The following GPR158 variants were observed in gnomAD, a reference collection of about 807,000 sequenced individuals.
GPR158 encodes the protein metabotropic glycine receptor.
Under a neutral mutation model 78.2 loss-of-function variants are expected in GPR158, and 30 were observed. The observed-to-expected ratio is 0.38, with a 90% CI of 0.29 to 0.52. GPR158 has a LOEUF of 0.52. Among genes scored for constraint, GPR158 ranks in the 20% least tolerant of loss-of-function variants. The pLI, the probability that GPR158 is intolerant of heterozygous loss-of-function variation, is 0.83. For synonymous variants in GPR158, 581 were observed against 591.1 expected, an observed-to-expected ratio of 0.98 and a Z score of 0.25; for missense variants, 1,463 against 1,523.5, an observed-to-expected ratio of 0.96 and a Z score of 0.66.
At chr10:25,363,937 C>G (rs539310924) in intron 2 of GPR158, among the ~76,000 whole-genome samples, 5 of 150,298 alleles carry the variant, frequency 3.3e-5, no homozygotes, top group African/African-American at 1.0e-4. Flanking sequence ...CTTGTCTTCT[C>G]TTCTACAAAA....
intron 2 of GPR158, among the ~76,000 whole-genome samples, chr10:25,243,902 C>T (rs186300007): frequency 7.2e-4 from 110 of 152,076 alleles, no homozygotes; most frequent in Non-Finnish European, 9.0e-4. Flanking sequence ...GGCTTATATA[C>T]AGAAGACATA....
At chr10:25,192,668 A>T (rs1200703695) in intron 1 of GPR158, among the ~76,000 whole-genome samples, 1 of 152,188 alleles carries the variant, frequency 6.6e-6, no homozygotes, top group Non-Finnish European at 1.5e-5. Flanking sequence ...AACTTTTTTT[A>T]AAAGTTATAA....
intron 5 of GPR158, among the ~76,000 whole-genome samples, chr10:25,468,064 C>T (rs190050821): frequency 9.9e-4 from 151 of 152,250 alleles, no homozygotes; most frequent in Non-Finnish European, 1.9e-3. Context: ...ACTTATTGCA[C>T]CTGCGTATCT....
At chr10:25,579,151 A>ATT (rs967956470) in intron 7 of GPR158, among the ~76,000 whole-genome samples, 28 of 146,384 alleles carry the variant, frequency 1.9e-4, no homozygotes, top group Non-Finnish European at 3.0e-4. Context: ...CGACTGTCAG[A>ATT]TTTTTTTTTT....
At chr10:25,250,891 C>T (rs765107079) in intron 2 of GPR158, among the ~76,000 whole-genome samples, 2 of 151,644 alleles carry the variant, frequency 1.3e-5, no homozygotes, top group Non-Finnish European at 2.9e-5. Context: ...TCTCGTTGAT[C>T]TGTCTAATGT....
intron 1 of GPR158, among the ~76,000 whole-genome samples, chr10:25,182,350 GAA>G (rs1432545240): frequency 1.3e-5 from 2 of 152,176 alleles, no homozygotes; most frequent in African/African-American, 4.8e-5. Flanking sequence ...TCTCTCGAGA[GAA>G]TACATGTTTC....
intron 2 of GPR158, among the ~76,000 whole-genome samples, chr10:25,379,080 T>G (rs553950940): frequency 6.6e-6 from 1 of 152,230 alleles, no homozygotes; most frequent in Admixed American, 6.5e-5. Flanking sequence ...CATGAGCCAC[T>G]GTGCCCAACC....
chr10:25,188,959 A>AAAAAGT (rs1852730005), intron 1 of GPR158, among the ~76,000 whole-genome samples: 1 of 152,206 alleles, frequency 6.6e-6, no homozygotes, highest in South Asian at 2.1e-4. Flanking sequence ...CAACCCCACC[A>AAAAAGT]AAAAGTGGGC....
At position 25,589,212 on chromosome 10, in the gene GPR158, A is replaced by G. The variant is rs1588926009; in HGVS notation, c.1892+67A>G. ...CTGATGTGTTGCTGTTTAAATAACA[A>G]AATTAGATAAGATGCATAATAGAAA... On this transcript the variant is annotated intron_variant, in intron 8 of 10. Coordinates refer to ENST00000376351, the MANE Select transcript of GPR158 (RefSeq NM_020752.3). The G allele has an allele frequency of 3.6e-6, 4 of 1,123,388 alleles. No individual in the cohort carries two copies. The East Asian group carries it at 9.8e-5, about 27-fold the overall frequency. The allele number at this position is 1,123,388 out of a possible 1,614,324, so 69.6% of individuals were successfully genotyped here.
rs192049981 is a variant in GPR158, at chr10:25,411,993, C to T, written c.1112-257C>T. Among the ~76,000 whole-genome samples the T allele has an allele frequency of 9.8e-5, 14 of 142,850 alleles. No homozygotes were observed. In the East Asian group the frequency reaches 2.6e-3, roughly 27 times the overall value. The allele number at this position is 142,850 out of a possible 152,430, so 93.7% of individuals were successfully genotyped here. ...AAAGACTTAGAAAACTGTTCCCTGC[C>T]CTCATGAAGCTTTATTTCCATTTTT... On this transcript the variant is annotated intron_variant, in intron 3 of 10. Coordinates refer to ENST00000376351, the MANE Select transcript of GPR158 (RefSeq NM_020752.3).
At chr10:25,351,692 G>C (rs1855474027) in intron 2 of GPR158, among the ~76,000 whole-genome samples, 1 of 149,510 alleles carries the variant, frequency 6.7e-6, no homozygotes, top group Non-Finnish European at 1.5e-5. Context: ...TGCTGCCATA[G>C]CAATAGTGTT....
chr10:25,457,034 A>G (rs1454864604), intron 4 of GPR158, among the ~76,000 whole-genome samples: 3 of 151,456 alleles, frequency 2.0e-5, no homozygotes, highest in African/African-American at 7.3e-5. Flanking sequence ...GTGCAGTGGC[A>G]TGACCTCAGC....
At chr10:25,201,886 T>C (rs562435982) in intron 1 of GPR158, among the ~76,000 whole-genome samples, 2 of 152,228 alleles carry the variant, frequency 1.3e-5, no homozygotes, top group Admixed American at 6.5e-5. Context: ...TAGTATTTTG[T>C]TGAGGATTGT....
rs113599813 is a variant in GPR158, at chr10:25,253,280, C to T, written c.1008+32123C>T. ...TGCAGAAATCACCGGTCTTCTGCGT[C>T]GGTCACGCTGGGAGCTGTAGACCGG... On this transcript the variant is annotated intron_variant, in intron 2 of 10. Transcript: ENST00000376351. Among the ~76,000 whole-genome samples, 948 of 151,032 alleles carry T rather than the reference C, an allele frequency of 6.3e-3. 6 individuals are homozygous for T. Among genetic ancestry groups the T allele is most frequent in the African/African-American group, 0.021 (884 of 41,302 alleles).
chr10:25,204,684 T>C (rs965731561), intron 1 of GPR158, among the ~76,000 whole-genome samples: 4 of 152,218 alleles, frequency 2.6e-5, no homozygotes, highest in Non-Finnish European at 5.9e-5. Context: ...TTTGCATCGA[T>C]GTTCTTCAGG....
intron 3 of GPR158, among the ~76,000 whole-genome samples, chr10:25,398,208 T>A (rs1393090480): frequency 2.0e-5 from 3 of 152,180 alleles, no homozygotes; most frequent in Non-Finnish European, 2.9e-5. Flanking sequence ...AGACTTCTAT[T>A]CAATAGAAAC....
intron 1 of GPR158, among the ~76,000 whole-genome samples, chr10:25,189,582 A>G (rs1427078688): frequency 6.6e-6 from 1 of 152,054 alleles, no homozygotes; most frequent in Non-Finnish European, 1.5e-5. Context: ...TGGGAGTTGA[A>G]CAATGAGAAC....
chr10:25,463,924 G>GGGA (rs1835389828), intron 4 of GPR158, among the ~76,000 whole-genome samples: 1 of 152,138 alleles, frequency 6.6e-6, no homozygotes, highest in Admixed American at 6.6e-5. Context: ...AAATATGTTG[G>GGGA]GGAGCATGGA....
At chr10:25,553,262 CTGTG>C (rs567034233) in intron 6 of GPR158, among the ~76,000 whole-genome samples, 1 of 152,148 alleles carries the variant, frequency 6.6e-6, no homozygotes, top group African/African-American at 2.4e-5. Context: ...ATTTGGGAAA[CTGTG>C]TTATAACATT....
Sources: gnomAD v4.1 joint callset for allele counts (sites outside exome capture counted in the v4.1 genomes callset) on GRCh38, gnomAD v4.1.1 for gene constraint, MANE v1.5 for transcripts, NCBI Gene and HGNC (gene_info 2026-07-23, HGNC 2026-07-21) for gene names.